LILRA2: variants seen among roughly 807,000 people sequenced by gnomAD.
LILRA2 encodes leukocyte immunoglobulin-like receptor subfamily A member 2.
A neutral mutation model predicts 47.9 loss-of-function variants in LILRA2; 45 were observed. The observed-to-expected ratio is 0.94, with a 90% CI of 0.74 to 1.20. LILRA2 has a LOEUF of 1.20. Ranked by LOEUF, LILRA2 falls within the 50% of genes most tolerant of loss-of-function variation. The probability of loss-of-function intolerance (pLI) is 0.00; values close to 1 mark genes in which losing one functional copy is unlikely to be tolerated. For synonymous variants in LILRA2, 279 were observed against 249.2 expected, an observed-to-expected ratio of 1.12 and a Z score of -1.13; for missense variants, 651 against 598.2, an observed-to-expected ratio of 1.09 and a Z score of -0.92.
chr19:54,576,562 C>T (rs28571697), intron 6 of LILRA2, among the ~76,000 whole-genome samples: 10 of 151,304 alleles, frequency 6.6e-5, no homozygotes, highest in Admixed American at 6.6e-5. Context: ...AGGGCAGCAG[C>T]GGGGAGGGTG....
upstream of LILRA2, chr19:54,573,325 C>A (rs1415377184): frequency 1.6e-6 from 1 of 634,690 alleles, no homozygotes; most frequent in Admixed American, 2.1e-5. Context: ...GCAGCTCAAC[C>A]TGAGCTACAC....
At chr19:54,573,183 C>G (rs2062195577), upstream of LILRA2, 1 of 365,802 alleles carries the variant, frequency 2.7e-6, no homozygotes, top group Non-Finnish European at 5.2e-6. Context: ...CAAGGTCTTG[C>G]TATGTGGCCC....
chr19:54,587,036 C>G lies in LILRA2; in HGVS notation c.1282C>G (p.Gln428Glu), dbSNP rs747393229. Residue 428 changes from glutamine to glutamate, a missense_variant, in exon 7 of 8, where the codon CAA (glutamine) becomes GAA (glutamate). Coordinates refer to ENST00000391738, the MANE Select transcript of LILRA2 (RefSeq NM_001130917.3). ...AGCAGCTGAGACCCTCAGCCCATCA[C>G]AAAACAAGACAGACTCCACGACTAG... is the stretch of plus-strand genomic sequence containing the variant. ...SEAAETLSPS[Q>E]NKTDSTTTSL... 1.9e-6 allele frequency: 3 copies of G among 1,613,408 alleles called. No individual in the cohort carries two copies. In the African/African-American group the frequency reaches 4.0e-5, roughly 22 times the overall value.
chr19:54,587,522 G>A lies in LILRA2; in HGVS notation c.*176G>A. 1 of 1,084,018 alleles carries A rather than the reference G, an allele frequency of 9.2e-7. No individual in the cohort carries two copies. The highest frequency in any genetic ancestry group is 1.3e-6 in the Non-Finnish European group (1 of 776,814). The allele number at this position is 1,084,018 out of a possible 1,614,324, so 67.1% of individuals were successfully genotyped here. A position where few individuals can be genotyped will look rare whatever the true frequency, so the allele number is the denominator to read the frequency against. ...AGGAAACTGTCTGGGGTGATTCCTA[G>A]AAGATCATTAAACTGTGGTACATTT... On this transcript the variant is annotated 3_prime_UTR_variant, in exon 8 of 8. Coordinates refer to ENST00000391738, the MANE Select transcript of LILRA2 (RefSeq NM_001130917.3).
In LILRA2 at chr19:54,587,064, A is replaced by G; in HGVS notation, c.1306+4A>G. The G allele has an allele frequency of 6.2e-7, 1 of 1,613,598 alleles. No individual in the cohort carries two copies. Among genetic ancestry groups the G allele is most frequent in the South Asian group, 1.1e-5 (1 of 91,064 alleles). On this transcript the variant is annotated splice_donor_region_variant and intron_variant, in intron 7 of 7. Transcript: ENST00000391738. ...AACAAGACAGACTCCACGACTAGTG[A>G]GTGAGGAGATGCTCTCAGTTATGGG...
intron 6 of LILRA2, chr19:54,577,380 G>A (rs960707024): frequency 2.2e-5 from 24 of 1,087,884 alleles, no homozygotes; most frequent in Non-Finnish European, 2.7e-5. Flanking sequence ...AGATGCTGGG[G>A]CTGATGGAGG....
rs1317857600 is a variant in LILRA2, at chr19:54,589,288, A to C, written c.*1942A>C. 1 of 152,108 alleles carries C rather than the reference A, an allele frequency of 6.6e-6. No homozygotes were observed. The highest frequency in any genetic ancestry group is 1.9e-4 in the East Asian group (1 of 5,184). 9.4% of individuals were successfully genotyped at this position (152,108 alleles called of 1,614,324 possible). On this transcript the variant is annotated 3_prime_UTR_variant, in exon 8 of 8. Transcript: ENST00000391738. ...TTTCAACGTGTATATTAGGGGGAAC[A>C]AGTCAATTTATGACAGTGTCTACAA...
rs190137361 is a variant in LILRA2 at position 54,587,985 on chromosome 19, A to G, written c.*639A>G. ...ATTCAGAAAAAGACATCTCTAAAAT[A>G]CTGTAATTAGTGGTATCTACCAATT... is the stretch of plus-strand genomic sequence containing the variant. On this transcript the variant is annotated 3_prime_UTR_variant, in exon 8 of 8. Transcript: ENST00000391738. The G allele has an allele frequency of 3.7e-3, 566 of 152,772 alleles. No individual in the cohort carries two copies. In the South Asian group the frequency reaches 0.074, roughly 20 times the overall value. The allele number at this position is 152,772 out of a possible 1,614,324, so 9.5% of individuals were successfully genotyped here. A position where few individuals can be genotyped will look rare whatever the true frequency, so the allele number is the denominator to read the frequency against.
At chr19:54,575,604 C>A in intron 5 of LILRA2, 52 bp downstream of exon 5, 1 of 1,593,408 alleles carries the variant, frequency 6.3e-7, no homozygotes, top group Non-Finnish European at 8.5e-7. Context: ...ACAGGCCCTG[C>A]CAGGGGAGCC....
At chr19:54,583,072 T>G (rs906684371) in intron 6 of LILRA2, among the ~76,000 whole-genome samples, 7 of 152,228 alleles carry the variant, frequency 4.6e-5, no homozygotes, top group African/African-American at 1.7e-4. Context: ...TCAGTTTCCA[T>G]GTAGTTGTGT....
upstream of LILRA2, chr19:54,573,369 G>A: frequency 2.6e-6 from 2 of 767,692 alleles, no homozygotes; most frequent in South Asian, 2.8e-5. Context: ...GCTGATCTGA[G>A]TCTAACTGCA....
At chr19:54,585,135 C>G (rs2062758700) in intron 6 of LILRA2, among the ~76,000 whole-genome samples, 1 of 152,172 alleles carries the variant, frequency 6.6e-6, no homozygotes, top group Non-Finnish European at 1.5e-5. Context: ...ATATTGCTGC[C>G]TGACCCTTCC....
Position 54,588,000 on chromosome 19 carries a change from A to G in LILRA2, c.*654A>G, listed in dbSNP as rs1175684580. On this transcript the variant is annotated 3_prime_UTR_variant, in exon 8 of 8. Coordinates refer to ENST00000391738, the MANE Select transcript of LILRA2 (RefSeq NM_001130917.3). ...TCTCTAAAATACTGTAATTAGTGGT[A>G]TCTACCAATTTCTGTGACATAAATA... The G allele has an allele frequency of 6.6e-6, 1 of 152,484 alleles. No individual in the cohort carries two copies. The highest frequency in any genetic ancestry group is 1.5e-5 in the Non-Finnish European group (1 of 68,242). 9.4% of individuals were successfully genotyped at this position (152,484 alleles called of 1,614,324 possible).
At position 54,587,387 on chromosome 19, in the gene LILRA2, T is replaced by C. The variant is rs146045183; in HGVS notation, c.*41T>C. ...ATGCATCCTTCAGCGTGGTGGAGCC[T>C]CAGGGACAGATCTGATGATCCCAGG... On this transcript the variant is annotated 3_prime_UTR_variant, in exon 8 of 8. Transcript: ENST00000391738. 5.1e-3 allele frequency: 8,281 copies of C among 1,612,312 alleles called. No individual in the cohort carries two copies. The South Asian group carries it at 0.065, about 13-fold the overall frequency.
At chr19:54,585,230 AC>A (rs1308451566) in intron 6 of LILRA2, among the ~76,000 whole-genome samples, 1 of 152,218 alleles carries the variant, frequency 6.6e-6, no homozygotes. Context: ...GTCAGGCTAC[AC>A]GGGGGTCAGG....
Position 54,575,650 on chromosome 19 carries a change from C to G in LILRA2, c.952+98C>G. 8 of 1,140,392 alleles carry G rather than the reference C, an allele frequency of 7.0e-6. No individual in the cohort carries two copies. The South Asian group carries it at 1.2e-4, about 16-fold the overall frequency. The allele number at this position is 1,140,392 out of a possible 1,614,324, so 70.6% of individuals were successfully genotyped here. Reference sequence around the variant, plus strand: ...TGGCCGGAATGAGGGTTGGGGGTCCCAAGGGAGGGAGAGACAGAGAGAGAC... The same window carrying G: ...TGGCCGGAATGAGGGTTGGGGGTCCGAAGGGAGGGAGAGACAGAGAGAGAC... On this transcript the variant is annotated intron_variant, in intron 5 of 7. Coordinates refer to ENST00000391738, the MANE Select transcript of LILRA2 (RefSeq NM_001130917.3).
Position 54,575,352 on chromosome 19 carries a change from A to T in LILRA2, c.752A>T (p.Asp251Val), listed in dbSNP as rs757496779. Residue 251 changes from aspartate to valine, a missense_variant, in exon 5 of 8, where the codon GAC (aspartate) becomes GTC (valine). Physicochemically the swap from Asp to Val is radical, Grantham distance 152. Coordinates refer to ENST00000391738, the MANE Select transcript of LILRA2 (RefSeq NM_001130917.3). Reference protein sequence around the residue: ...TLQCVSDVGYDRFVLYKEGER... With the variant: ...TLQCVSDVGYVRFVLYKEGER... ...CAGTGTGTCTCTGATGTCGGCTACG[A>T]CAGATTTGTTCTGTATAAGGAGGGA... 4 of 1,614,044 alleles carry T rather than the reference A, an allele frequency of 2.5e-6. No homozygotes were observed. The South Asian group carries it at 4.4e-5, about 18-fold the overall frequency.
Position 54,575,164 on chromosome 19 carries a change from G to A in LILRA2, c.656-92G>A, listed in dbSNP as rs547016381. 3.3e-4 allele frequency: 519 copies of A among 1,549,768 alleles called. 7 individuals are homozygous for A. In the East Asian group the frequency reaches 0.012, roughly 34 times the overall value. ...GGCGAGAGGGCTCAGGGCTCCTGGG[G>A]CCGGAGACACAGGAAGATCAGCGGG... On this transcript the variant is annotated intron_variant, in intron 4 of 7. Coordinates refer to ENST00000391738, the MANE Select transcript of LILRA2 (RefSeq NM_001130917.3).
Position 54,587,477 on chromosome 19 carries a change from G to A in LILRA2, c.*131G>A. 7.3e-7 allele frequency: 1 copy of A among 1,378,444 alleles called. No individual in the cohort carries two copies. Among genetic ancestry groups the A allele is most frequent in the Middle Eastern group, 1.9e-4 (1 of 5,348 alleles). 85.4% of individuals were successfully genotyped at this position (1,378,444 alleles called of 1,614,324 possible). A position where few individuals can be genotyped will look rare whatever the true frequency, so the allele number is the denominator to read the frequency against. ...TGTATGCTGGTCATTTCTAGAGACA[G>A]CAATCAATATTTGAGTGTAAGGAAA... On this transcript the variant is annotated 3_prime_UTR_variant, in exon 8 of 8. Coordinates refer to ENST00000391738, the MANE Select transcript of LILRA2 (RefSeq NM_001130917.3).
Sources: allele counts gnomAD v4.1 joint callset (sites outside exome capture counted in the v4.1 genomes callset), GRCh38; gene constraint gnomAD v4.1.1; transcripts MANE v1.5; gene names NCBI Gene and HGNC (gene_info 2026-07-23, HGNC 2026-07-21).